Variants in SNTG2 observed in about 807,000 individuals in gnomAD.
SNTG2 encodes the protein gamma-2-syntrophin.
SNTG2 carries 74 observed loss-of-function variants against 70.9 expected under a neutral mutation model. The observed-to-expected ratio is 1.04, with a 90% CI of 0.86 to 1.27. The LOEUF (loss-of-function observed/expected upper bound fraction) is 1.27. Ranked by LOEUF, SNTG2 falls within the 50% of genes most tolerant of loss-of-function variation. The probability of loss-of-function intolerance (pLI) is 0.00; values close to 1 mark genes in which losing one functional copy is unlikely to be tolerated. For synonymous variants in SNTG2, 278 were observed against 273.8 expected, an observed-to-expected ratio of 1.02 and a Z score of -0.15; for missense variants, 717 against 690.7, an observed-to-expected ratio of 1.04 and a Z score of -0.43.
At chr2:1,227,160 C>A (rs572801927) in intron 9 of SNTG2, among the ~76,000 whole-genome samples, 13 of 152,230 alleles carry the variant, frequency 8.5e-5, no homozygotes, top group Non-Finnish European at 1.9e-4. Context: ...GCGGTGTTTT[C>A]TCCTAAGTTA....
rs60581271 is a variant in SNTG2, at chr2:1,221,155, T to A, written c.719+11925T>A. Reference sequence around the variant, plus strand: ...TCTCTAGGCTCCGTTACGCTTTCTCTGGGGCAGTGGTCCCCACCCGCACTG... The same window carrying A: ...TCTCTAGGCTCCGTTACGCTTTCTCAGGGGCAGTGGTCCCCACCCGCACTG... On this transcript the variant is annotated intron_variant, in intron 9 of 16. Coordinates refer to ENST00000308624, the MANE Select transcript of SNTG2 (RefSeq NM_018968.4). Among the ~76,000 whole-genome samples the A allele has an allele frequency of 6.6e-3, 1,002 of 152,236 alleles. 6 individuals carry two copies. The highest frequency in any genetic ancestry group is 0.01 in the Non-Finnish European group (689 of 68,014).
intron 1 of SNTG2, among the ~76,000 whole-genome samples, chr2:979,362 G>A (rs1661024389): frequency 6.6e-6 from 1 of 152,228 alleles, no homozygotes; most frequent in African/African-American, 2.4e-5. Context: ...GATTAAGTAA[G>A]AAGGTAGCAT....
rs190679171 is a variant in SNTG2, at chr2:1,025,274, T to C, written c.73-58244T>C. On this transcript the variant is annotated intron_variant, in intron 1 of 16. Transcript: ENST00000308624. ...AGAACAAGGGCCCGGTTGGTAAACA[T>C]AGCACAGGACGGGGTGAGGGTGGCA... Among the ~76,000 whole-genome samples the C allele has an allele frequency of 2.6e-5, 4 of 152,140 alleles. No individual in the cohort carries two copies. The East Asian group carries it at 5.8e-4, about 22-fold the overall frequency.
intron 11 of SNTG2, among the ~76,000 whole-genome samples, chr2:1,241,470 TTTTTTATTA>T (rs1558584682): frequency 6.6e-6 from 1 of 152,142 alleles, no homozygotes. Context: ...ATTTTCTTTT[TTTTTTATTA>T]TTATTATTAT....
At chr2:1,106,021 A>ATGCGTGCTGT in intron 4 of SNTG2, among the ~76,000 whole-genome samples, 1 of 151,372 alleles carries the variant, frequency 6.6e-6, no homozygotes, top group Middle Eastern at 3.4e-3. Flanking sequence ...GTAATAATGG[A>ATGCGTGCTGT]CACGTGCTGT....
At chr2:1,065,653 C>T (rs1663104574) in intron 1 of SNTG2, among the ~76,000 whole-genome samples, 1 of 152,220 alleles carries the variant, frequency 6.6e-6, no homozygotes, top group Non-Finnish European at 1.5e-5. Flanking sequence ...CGTTGCAAAT[C>T]ATGAACTTTC....
intron 16 of SNTG2, among the ~76,000 whole-genome samples, chr2:1,334,242 A>G (rs1659682353): frequency 6.6e-6 from 1 of 152,148 alleles, no homozygotes; most frequent in Non-Finnish European, 1.5e-5. Flanking sequence ...ACCACAACAT[A>G]TAAGCTACCT....
chr2:953,177 GT>G (rs1239052555), intron 1 of SNTG2, among the ~76,000 whole-genome samples: 2 of 152,104 alleles, frequency 1.3e-5, no homozygotes, highest in Non-Finnish European at 2.9e-5. Flanking sequence ...TGTTCCCGAT[GT>G]TTTTTTCTAA....
intron 7 of SNTG2, among the ~76,000 whole-genome samples, chr2:1,171,111 GTC>G (rs1055551292): frequency 7.9e-5 from 12 of 152,172 alleles, no homozygotes; most frequent in African/African-American, 2.4e-4. Flanking sequence ...AATAAACTAA[GTC>G]TATTTTTCTC....
At chr2:1,110,213 G>A (rs537237428) in intron 4 of SNTG2, among the ~76,000 whole-genome samples, 2 of 152,300 alleles carry the variant, frequency 1.3e-5, no homozygotes, top group South Asian at 4.1e-4. Context: ...CTAAAGTCAT[G>A]GCCTGGACAC....
In SNTG2 at chr2:973,396, C is replaced by T. The variant is rs1660807595; in HGVS notation, c.72+22328C>T. On this transcript the variant is annotated intron_variant, in intron 1 of 16. Transcript: ENST00000308624. ...AACTACTTTCAGGGAGTTTTCTTTACCTTTGGCTTTCTGGAGTTGAGTGTA... is the reference window on the plus strand; with the variant it reads ...AACTACTTTCAGGGAGTTTTCTTTATCTTTGGCTTTCTGGAGTTGAGTGTA... Among the ~76,000 whole-genome samples the T allele has an allele frequency of 2.0e-5, 3 of 151,762 alleles. No individual in the cohort carries two copies. In the South Asian group the frequency reaches 6.3e-4, roughly 32 times the overall value.
At chr2:1,173,727 G>A (rs1440068894) in intron 8 of SNTG2, among the ~76,000 whole-genome samples, 1 of 152,172 alleles carries the variant, frequency 6.6e-6, no homozygotes, top group African/African-American at 2.4e-5. Flanking sequence ...GGGGCATGGG[G>A]CTCACACTCT....
chr2:1,084,056 A>G (rs1664521889), intron 2 of SNTG2, among the ~76,000 whole-genome samples: 1 of 152,104 alleles, frequency 6.6e-6, no homozygotes, highest in Admixed American at 6.5e-5. Flanking sequence ...AAAAAGGAAA[A>G]AAAGAAAAAG....
At chr2:1,222,053 C>G (rs547683304) in intron 9 of SNTG2, among the ~76,000 whole-genome samples, 2 of 93,660 alleles carry the variant, frequency 2.1e-5, no homozygotes, top group Non-Finnish European at 4.6e-5. Context: ...CTCTGTCTCT[C>G]TCTGTCTCTG....
At chr2:1,171,955 G>C (rs767714438) in intron 7 of SNTG2, among the ~76,000 whole-genome samples, 11 of 152,158 alleles carry the variant, frequency 7.2e-5, no homozygotes, top group Non-Finnish European at 1.2e-4. Flanking sequence ...TTATGACTTT[G>C]CATATGTGGT....
At chr2:1,001,345 A>G (rs935938758) in intron 1 of SNTG2, among the ~76,000 whole-genome samples, 9 of 152,104 alleles carry the variant, frequency 5.9e-5, no homozygotes, top group African/African-American at 2.2e-4. Flanking sequence ...TTTGCTGATG[A>G]TGTGATCTTA....
chr2:1,355,724 T>A (rs1390691694), intron 16 of SNTG2, among the ~76,000 whole-genome samples: 3 of 152,182 alleles, frequency 2.0e-5, no homozygotes, highest in Non-Finnish European at 4.4e-5. Context: ...TGCTAAGTCA[T>A]CTCGTGGTTG....
intron 1 of SNTG2, among the ~76,000 whole-genome samples, chr2:966,340 T>C (rs1660568136): frequency 6.6e-6 from 1 of 152,266 alleles, no homozygotes; most frequent in African/African-American, 2.4e-5. Flanking sequence ...TCTGCAATCT[T>C]TGCCTGATTC....
At chr2:980,208 A>T (rs1380163310) in intron 1 of SNTG2, among the ~76,000 whole-genome samples, 2 of 152,300 alleles carry the variant, frequency 1.3e-5, no homozygotes, top group South Asian at 4.1e-4. Flanking sequence ...GTCCAGGTAC[A>T]GTTGTATGTT....
Sources: gnomAD v4.1 joint callset for allele counts (sites outside exome capture counted in the v4.1 genomes callset) on GRCh38, gnomAD v4.1.1 for gene constraint, MANE v1.5 for transcripts, NCBI Gene and HGNC (gene_info 2026-07-23, HGNC 2026-07-21) for gene names.